Variants in MUC5AC observed in about 807,000 individuals in gnomAD.
MUC5AC encodes mucin 5AC, oligomeric mucus/gel-forming.
A neutral mutation model predicts 169.7 loss-of-function variants in MUC5AC; 158 were observed. The ratio of observed to expected loss-of-function variants is 0.93; its 90% CI spans 0.82 to 1.06. The LOEUF is 1.06. MUC5AC is among the 50% of genes least tolerant of loss of function. MUC5AC has a pLI of 0.00. For missense variants in MUC5AC, 4,359 were observed against 3,089.9 expected, an observed-to-expected ratio of 1.41 and a Z score of -9.74; for synonymous variants, 1,975 against 1,237.0, an observed-to-expected ratio of 1.60 and a Z score of -12.52.
chr11:1,164,963 C>T (rs1860270999), intron 9 of MUC5AC, among the ~76,000 whole-genome samples: 1 of 105,762 alleles, frequency 9.5e-6, no homozygotes, highest in African/African-American at 4.1e-5. Context: ...CTGTCCCGGG[C>T]CCCTGAGGCT....
chr11:1,176,065 A>G (rs1469061586), intron 19 of MUC5AC, 86 bp from the exon 20 acceptor site: 1 of 397,954 alleles, frequency 2.5e-6, no homozygotes, highest in Non-Finnish European at 4.4e-6. Context: ...GTGCACGCAC[A>G]TGGCACAGAC....
rs1253838802 is a variant in MUC5AC, at chr11:1,185,076, G to A, written c.6931G>A (p.Val2311Ile). 1 of 713,322 alleles carries A rather than the reference G, an allele frequency of 1.4e-6. No individual in the cohort carries two copies. The highest frequency in any genetic ancestry group is 2.6e-6 in the Non-Finnish European group (1 of 390,250). The allele number at this position is 713,322 out of a possible 1,614,324, so 44.2% of individuals were successfully genotyped here. A position where few individuals can be genotyped will look rare whatever the true frequency, so the allele number is the denominator to read the frequency against. The change falls in exon 31 of 49, where the codon GTT (valine) becomes ATT (isoleucine). Residue 2311 changes from valine (V) to isoleucine (I), a missense_variant. Transcript: ENST00000621226. ...TGGTCCTGGAAATACTCCCAGCCCT[G>A]TTCCTACCACCAGCACAATCTCTGC... ...TSGPGNTPSP[V>I]PTTSTISAPT...
In MUC5AC at chr11:1,160,688, C is replaced by T. The variant is rs1278253416; in HGVS notation, c.150C>T (p.Ser50=). ...TCTCTCCTATCGCCCGGGGGCCCAG[C>T]GGTGAGTCTGAGTGTCCGGCCCCCA... is the stretch of plus-strand genomic sequence containing the variant. ...PALSPIARGP[S]GVPLRGATVF... The change falls in exon 2 of 49, where the codon AGC becomes AGT. Residue 50 remains serine, a splice_region_variant and synonymous_variant. Coordinates refer to ENST00000621226, the MANE Select transcript of MUC5AC (RefSeq NM_001304359.2). 6.8e-6 allele frequency: 11 copies of T among 1,608,768 alleles called. No individual in the cohort carries two copies. In the African/African-American group the frequency reaches 8.0e-5, roughly 12 times the overall value.
In MUC5AC at chr11:1,192,938, C is replaced by G. The variant is rs749571900; in HGVS notation, c.14536C>G (p.Pro4846Ala). Residue 4846 changes from proline (P) to alanine (A), a missense_variant, in exon 32 of 49, where the codon CCC (proline) becomes GCC (alanine). Coordinates refer to ENST00000621226, the MANE Select transcript of MUC5AC (RefSeq NM_001304359.2). Reference sequence around the variant, plus strand: ...GTCCCCTTCAATATCCACCTCCGAGCCCGTCACTGAGCTGGGATGCCCAAA... The same window carrying G: ...GTCCCCTTCAATATCCACCTCCGAGGCCGTCACTGAGCTGGGATGCCCAAA... ...ATSPSISTSE[P>A]VTELGCPNAV... 1.2e-5 allele frequency: 9 copies of G among 752,474 alleles called. No homozygotes were observed. In the Admixed American group the frequency reaches 1.6e-4, roughly 13 times the overall value. 46.6% of individuals were successfully genotyped at this position (752,474 alleles called of 1,614,324 possible). A position where few individuals can be genotyped will look rare whatever the true frequency, so the allele number is the denominator to read the frequency against.
rs1860806971 is a variant in MUC5AC at position 1,181,135 on chromosome 11, C to T, written c.3777-4C>T. On this transcript the variant is annotated splice_region_variant and splice_polypyrimidine_tract_variant and intron_variant, in intron 28 of 48. Transcript: ENST00000621226. ...ATCGGCCTGCCCTTCTTCCTTGTCT[C>T]CAGCCTTTGTACGGAGCGCGGCGTG... is the stretch of plus-strand genomic sequence containing the variant. 2 of 398,556 alleles carry T rather than the reference C, an allele frequency of 5.0e-6. No homozygotes were observed. The highest frequency in any genetic ancestry group is 4.4e-6 in the Non-Finnish European group (1 of 226,018). 24.7% of individuals were successfully genotyped at this position (398,556 alleles called of 1,614,324 possible).
At chr11:1,168,191 A>G (rs1860390368) in intron 12 of MUC5AC, among the ~76,000 whole-genome samples, 1 of 152,168 alleles carries the variant, frequency 6.6e-6, no homozygotes, top group Admixed American at 6.5e-5. Context: ...CCGGGCCGCC[A>G]TACCTGACCC....
intron 9 of MUC5AC, among the ~76,000 whole-genome samples, chr11:1,164,911 C>T (rs112020052): frequency 1.2e-3 from 124 of 103,634 alleles, no homozygotes; most frequent in Middle Eastern, 5.9e-3. Flanking sequence ...CTGAGGCTGG[C>T]TGAGGATCCT....
rs775534928 is a variant in MUC5AC, at chr11:1,165,645, G to A, written c.1271G>A (p.Ser424Asn). The stretch of plus-strand genomic sequence containing the variant: ...AGCACCTGCTCCGGAGGCCGGTGGA[G>A]CTGCCAGGAGGTTCCATGCCCGGGT... ...TNCTCSGGRW[S>N]CQEVPCPGTC... Residue 424 changes from serine (S) to asparagine (N), a missense_variant, in exon 11 of 49, where the codon AGC (serine) becomes AAC (asparagine). Physicochemically the swap from Ser to Asn is conservative, Grantham distance 46. Transcript: ENST00000621226. The A allele has an allele frequency of 6.2e-7, 1 of 1,612,322 alleles. No homozygotes were observed. Among genetic ancestry groups the A allele is most frequent in the East Asian group, 2.2e-5 (1 of 44,886 alleles).
intron 15 of MUC5AC, among the ~76,000 whole-genome samples, chr11:1,169,982 CCACT>C: frequency 7.3e-6 from 1 of 137,688 alleles, no homozygotes; most frequent in East Asian, 2.5e-4. Context: ...ACTCACTCAC[CCACT>C]CACCCATTCA....
rs1860850792 is a variant in MUC5AC, at chr11:1,183,110, C to G, written c.4965C>G (p.Asn1655Lys). 1.0e-5 allele frequency: 4 copies of G among 382,874 alleles called. No homozygotes were observed. The highest frequency in any genetic ancestry group is 2.5e-5 in the African/African-American group (1 of 40,502). The allele number at this position is 382,874 out of a possible 1,614,324, so 23.7% of individuals were successfully genotyped here. The change falls in exon 31 of 49, where the codon AAC becomes AAG. Residue 1655 changes from asparagine (N) to lysine (K), a missense_variant. Transcript: ENST00000621226. Reference protein sequence around the residue: ...HTEGLICLNKNQLPPICYNYE... With the variant: ...HTEGLICLNKKQLPPICYNYE... ...AGGGGCTGATTTGCCTGAACAAGAA[C>G]CAGCTCCCACCCATCTGCTACAACT...
chr11:1,175,464 G>C (rs1860646298), intron 19 of MUC5AC, among the ~76,000 whole-genome samples, 194 bp downstream of exon 19: 1 of 148,206 alleles, frequency 6.7e-6, no homozygotes, highest in African/African-American at 2.5e-5. Context: ...GCGCACATAT[G>C]ACACTCACAC....
chr11:1,165,977 T>C (rs890997010), intron 11 of MUC5AC, among the ~76,000 whole-genome samples: 16 of 152,162 alleles, frequency 1.1e-4, no homozygotes, highest in African/African-American at 3.6e-4. Context: ...CCACCCAGCA[T>C]TGGGCCTCAC....
rs1860933808 is a variant in MUC5AC, at chr11:1,185,985, T to G, written c.7840T>G (p.Ser2614Ala). 3 of 729,480 alleles carry G rather than the reference T, an allele frequency of 4.1e-6. No homozygotes were observed. The highest frequency in any genetic ancestry group is 7.5e-6 in the Non-Finnish European group (3 of 399,978). The allele number at this position is 729,480 out of a possible 1,614,324, so 45.2% of individuals were successfully genotyped here. The stretch of plus-strand genomic sequence containing the variant: ...CTCTGCACCTACAACCAGCACAAAC[T>G]CTGCCCCTATAAGCAGCACAACCTC... ...ITSAPTTSTN[S>A]APISSTTSAT... Residue 2614 changes from serine (S) to alanine (A), a missense_variant, in exon 31 of 49, where the codon TCT becomes GCT. Ser to Ala is a moderately conservative substitution (Grantham distance 99, BLOSUM62 1). Coordinates refer to ENST00000621226, the MANE Select transcript of MUC5AC (RefSeq NM_001304359.2).
At chr11:1,163,767 C>T (rs956102612) in intron 6 of MUC5AC, 115 bp from the exon 7 acceptor site, 10 of 779,862 alleles carry the variant, frequency 1.3e-5, no homozygotes, top group East Asian at 8.0e-5. Context: ...CAGGAGCCAC[C>T]GATGGCCCTT....
intron 1 of MUC5AC, among the ~76,000 whole-genome samples, chr11:1,159,839 A>G (rs1860082181): frequency 9.2e-5 from 2 of 21,626 alleles, no homozygotes; most frequent in South Asian, 1.6e-3. Flanking sequence ...TGGCCCCACC[A>G]TGCTGGTTCT....
Position 1,189,232 on chromosome 11 carries a change from C to T in MUC5AC, c.11087C>T (p.Thr3696Ile). 1 of 599,280 alleles carries T rather than the reference C, an allele frequency of 1.7e-6. No homozygotes were observed. Among genetic ancestry groups the T allele is most frequent in the Non-Finnish European group, 3.0e-6 (1 of 337,068 alleles). The allele number at this position is 599,280 out of a possible 1,614,324, so 37.1% of individuals were successfully genotyped here. Reference sequence around the variant, plus strand: ...ACAACCTCTGCCCCAACAACCAGCACAACCTCTGCTCCCACAACGAGCACA... The same window carrying T: ...ACAACCTCTGCCCCAACAACCAGCATAACCTCTGCTCCCACAACGAGCACA... Reference protein sequence around the residue: ...PSTTSAPTTSTTSAPTTSTTS... With the variant: ...PSTTSAPTTSITSAPTTSTTS... Residue 3696 changes from threonine to isoleucine, a missense_variant, in exon 31 of 49, where the codon ACA (threonine) becomes ATA (isoleucine). Thr to Ile is a moderately conservative substitution (Grantham distance 89). Coordinates refer to ENST00000621226, the MANE Select transcript of MUC5AC (RefSeq NM_001304359.2).
chr11:1,170,963 C>CATT (rs1860498583), intron 15 of MUC5AC, among the ~76,000 whole-genome samples: 1 of 5,916 alleles, frequency 1.7e-4, no homozygotes, highest in Non-Finnish European at 4.2e-4. Context: ...ACTCACTCAC[C>CATT]CACTCACCCA....
At chr11:1,171,361 A>T (rs1371776593) in intron 15 of MUC5AC, among the ~76,000 whole-genome samples, 7 of 129,550 alleles carry the variant, frequency 5.4e-5, no homozygotes, top group Non-Finnish European at 1.1e-4. Flanking sequence ...TCACTCACCC[A>T]CTCACCCACT....
Position 1,164,094 on chromosome 11 carries a change from C to T in MUC5AC, c.790-12C>T. The T allele has an allele frequency of 3.7e-6, 6 of 1,611,628 alleles. No individual in the cohort carries two copies. Among genetic ancestry groups the T allele is most frequent in the Non-Finnish European group, 5.1e-6 (6 of 1,179,398 alleles). On this transcript the variant is annotated splice_polypyrimidine_tract_variant and intron_variant, in intron 7 of 48. Coordinates refer to ENST00000621226, the MANE Select transcript of MUC5AC (RefSeq NM_001304359.2). ...CACCGAGGACTCAGACGGGCTGTGGCCTTTGTCCTAGGGCATCTGTGAGGA... is the reference window on the plus strand; with the variant it reads ...CACCGAGGACTCAGACGGGCTGTGGTCTTTGTCCTAGGGCATCTGTGAGGA...
Sources: gnomAD v4.1 joint callset for allele counts (sites outside exome capture counted in the v4.1 genomes callset) on GRCh38, gnomAD v4.1.1 for gene constraint, MANE v1.5 for transcripts, NCBI Gene and HGNC (gene_info 2026-07-23, HGNC 2026-07-21) for gene names.